SLC24A4: variants seen among roughly 807,000 people sequenced by gnomAD.
SLC24A4 encodes the protein solute carrier family 24 member 4, also known as sodium/potassium/calcium exchanger 4.
Under a neutral mutation model 79.0 loss-of-function variants are expected in SLC24A4, and 53 were observed. That is an observed-to-expected ratio of 0.67 (90% CI 0.54 to 0.84). The LOEUF is 0.84. Among genes scored for constraint, SLC24A4 ranks in the 40% least tolerant of loss-of-function variants. SLC24A4 has a pLI of 0.00. For missense variants in SLC24A4, 731 were observed against 822.0 expected (o/e 0.89, Z 1.35); for synonymous variants, 323 against 323.8 (o/e 1.00, Z 0.03).
At chr14:92,486,623 C>A in intron 13 of SLC24A4, 43 bp from the exon 14 acceptor site, 2 of 1,251,468 alleles carry the variant, frequency 1.6e-6, no homozygotes, top group South Asian at 1.2e-5. Context: ...TTAGTCCACA[C>A]ACTGTTGGTT....
At chr14:92,350,807 C>T (rs1462429109) in intron 2 of SLC24A4, among the ~76,000 whole-genome samples, 1 of 152,122 alleles carries the variant, frequency 6.6e-6, no homozygotes. Flanking sequence ...TGCTTGTGTT[C>T]CCCCAAAATT....
rs1002547174 is a variant in SLC24A4, at chr14:92,398,887, T to C, written c.242-35025T>C. On this transcript the variant is annotated intron_variant, in intron 2 of 16. Transcript: ENST00000532405. This position sits in a 1 kb window ranked among gnomAD's most constrained non-coding sequence, Gnocchi z 4.1. Reference sequence around the variant, plus strand: ...ATCGTCAACTCAATGCCTGCTTCTTTCCCAGGATTGGATCTTCAAGGACAA... The same window carrying C: ...ATCGTCAACTCAATGCCTGCTTCTTCCCCAGGATTGGATCTTCAAGGACAA... Among the ~76,000 whole-genome samples the C allele has an allele frequency of 7.9e-5, 12 of 152,338 alleles. No individual in the cohort carries two copies. The highest frequency in any genetic ancestry group is 3.4e-3 in the Middle Eastern group (1 of 294).
intron 12 of SLC24A4, among the ~76,000 whole-genome samples, chr14:92,473,290 C>T (rs978991535): frequency 1.3e-5 from 2 of 152,098 alleles, no homozygotes; most frequent in African/African-American, 4.8e-5. Flanking sequence ...GTGAACAAGC[C>T]CCCCAGGTAA....
chr14:92,391,126 G>A (rs1889436948), intron 2 of SLC24A4, among the ~76,000 whole-genome samples: 1 of 152,182 alleles, frequency 6.6e-6, no homozygotes, highest in African/African-American at 2.4e-5. Flanking sequence ...TACATGCAAG[G>A]GGGCCTGGGA....
At chr14:92,330,686 C>T (rs970256500) in intron 2 of SLC24A4, among the ~76,000 whole-genome samples, 1 of 152,220 alleles carries the variant, frequency 6.6e-6, no homozygotes, top group African/African-American at 2.4e-5. Flanking sequence ...TGAGGGCTCT[C>T]TACTTGGCTT....
chr14:92,355,036 T>G (rs1445127013), intron 2 of SLC24A4, among the ~76,000 whole-genome samples: 2 of 152,142 alleles, frequency 1.3e-5, no homozygotes, highest in African/African-American at 4.8e-5. Context: ...ATGGGGCCAT[T>G]GCACTCCAAC....
intron 2 of SLC24A4, among the ~76,000 whole-genome samples, chr14:92,391,419 A>C (rs1438734016): frequency 1.3e-5 from 2 of 152,180 alleles, no homozygotes; most frequent in Admixed American, 1.3e-4. Flanking sequence ...GTTTCCCTAA[A>C]GTCTGCTCCA....
rs535343918 is a variant in SLC24A4 at position 92,434,954 on chromosome 14, A to G, written c.318+966A>G. On this transcript the variant is annotated intron_variant, in intron 3 of 16. Transcript: ENST00000532405. ...ACACCCAGTTAATTTTTGTATTTTT[A>G]GTAGAGACGGGGTTTAACCATGTTG... is the stretch of plus-strand genomic sequence containing the variant. Among the ~76,000 whole-genome samples the G allele has an allele frequency of 1.6e-4, 24 of 152,154 alleles. No individual in the cohort carries two copies. In the South Asian group the frequency reaches 4.6e-3, roughly 29 times the overall value.
chr14:92,362,329 G>A (rs1887579783), intron 2 of SLC24A4, among the ~76,000 whole-genome samples: 2 of 152,086 alleles, frequency 1.3e-5, no homozygotes, highest in African/African-American at 4.8e-5. Context: ...GCAGCCTTCT[G>A]GCCCCTTCTT....
chr14:92,388,331 G>A lies in SLC24A4; in HGVS notation c.242-45581G>A, dbSNP rs115301414. Among the ~76,000 whole-genome samples, 724 of 152,268 alleles carry A rather than the reference G, an allele frequency of 4.8e-3. 6 individuals are homozygous for A. Among genetic ancestry groups the A allele is most frequent in the African/African-American group, 0.016 (675 of 41,538 alleles). On this transcript the variant is annotated intron_variant, in intron 2 of 16. Transcript: ENST00000532405. ...GGGGTGTCCCTTCGCACCTCGAGAC[G>A]GATTCCCAGTGGTGGGACTCAGGGT...
chr14:92,449,299 C>T (rs1380661267), intron 10 of SLC24A4, 83 bp downstream of exon 10: 3 of 1,255,820 alleles, frequency 2.4e-6, no homozygotes, highest in Non-Finnish European at 3.3e-6. Flanking sequence ...CACACACACA[C>T]ACACACACAC....
chr14:92,324,909 A>C (rs543469331), intron 1 of SLC24A4, among the ~76,000 whole-genome samples: 16 of 152,364 alleles, frequency 1.1e-4, no homozygotes, highest in Admixed American at 3.9e-4. Context: ...ATAGGTAAAA[A>C]TCCAGTGGAA....
At chr14:92,434,028 C>T (rs756475489) in intron 3 of SLC24A4, 40 bp downstream of exon 3, 1 of 1,501,036 alleles carries the variant, frequency 6.7e-7, no homozygotes, top group Admixed American at 1.7e-5. Context: ...ACTTCTGGCA[C>T]ATGAAGCCTC....
chr14:92,476,795 C>A (rs1263791133), intron 12 of SLC24A4, among the ~76,000 whole-genome samples: 2 of 152,152 alleles, frequency 1.3e-5, no homozygotes, highest in Admixed American at 6.5e-5. Flanking sequence ...TAAATAGAAT[C>A]TATCAATATA....
intron 2 of SLC24A4, among the ~76,000 whole-genome samples, chr14:92,366,106 G>A (rs1595170517): frequency 6.6e-6 from 1 of 152,168 alleles, no homozygotes; most frequent in African/African-American, 2.4e-5. Flanking sequence ...TTGTGGTGCC[G>A]GGAAGCCAAG....
rs71877757 is a variant in SLC24A4 at position 92,448,345 on chromosome 14, T to TACACACACACACACACACACACACAC, written c.738-719_738-694dup. On this transcript the variant is annotated intron_variant, in intron 9 of 16. Coordinates refer to ENST00000532405, the MANE Select transcript of SLC24A4 (RefSeq NM_153646.4). The stretch of plus-strand genomic sequence containing the variant: ...TGACATATATTTTTTTCCCACTACA[T>TACACACACACACACACACACACACAC]ACACACACACACACACACACACACA... Among the ~76,000 whole-genome samples, 1,043 of 131,970 alleles carry TACACACACACACACACACACACACAC rather than the reference T, an allele frequency of 7.9e-3. 36 individuals carry two copies. Among genetic ancestry groups the TACACACACACACACACACACACACAC allele is most frequent in the Admixed American group, 0.025 (303 of 12,332 alleles). 86.6% of individuals were successfully genotyped at this position (131,970 alleles called of 152,430 possible). A position where few individuals can be genotyped will look rare whatever the true frequency, so the allele number is the denominator to read the frequency against.
At position 92,398,012 on chromosome 14, in the gene SLC24A4, C is replaced by A. The variant is rs1889877071; in HGVS notation, c.242-35900C>A. Reference sequence around the variant, plus strand: ...GCCACGCAACCAATAACGAGACTCTCCCCTATGCCAGGCCCTGCGCACATG... The same window carrying A: ...GCCACGCAACCAATAACGAGACTCTACCCTATGCCAGGCCCTGCGCACATG... On this transcript the variant is annotated intron_variant, in intron 2 of 16. Transcript: ENST00000532405. This position sits in a 1 kb window ranked among gnomAD's most constrained non-coding sequence, Gnocchi z 4.1. Among the ~76,000 whole-genome samples, 1 of 152,210 alleles carries A rather than the reference C, an allele frequency of 6.6e-6. No individual in the cohort carries two copies. Among genetic ancestry groups the A allele is most frequent in the South Asian group, 2.1e-4 (1 of 4,834 alleles).
At chr14:92,484,236 T>C in intron 13 of SLC24A4, 1 of 985,398 alleles carries the variant, frequency 1.0e-6, no homozygotes, top group Non-Finnish European at 1.2e-6. Context: ...ATTTTGCCTA[T>C]GCTTTCCTGA....
At chr14:92,429,495 A>T (rs1057128155) in intron 2 of SLC24A4, among the ~76,000 whole-genome samples, 15 of 152,380 alleles carry the variant, frequency 9.8e-5, no homozygotes, top group African/African-American at 2.9e-4. Context: ...TGTAAGTGAC[A>T]GGTTTTCTCT....
Sources: gnomAD v4.1 joint callset for allele counts (sites outside exome capture counted in the v4.1 genomes callset) on GRCh38, gnomAD v4.1.1 for gene constraint, Gnocchi (gnomAD v3.1) non-coding constraint, MANE v1.5 for transcripts, NCBI Gene and HGNC (gene_info 2026-07-23, HGNC 2026-07-21) for gene names.